CPED1: variants seen among roughly 807,000 people sequenced by gnomAD.
The protein encoded by CPED1 is cadherin like and PC-esterase domain containing 1, also known as cadherin-like and PC-esterase domain-containing protein 1.
CPED1 carries 114 observed loss-of-function variants against 128.2 expected under a neutral mutation model. The observed-to-expected ratio is 0.89, with a 90% CI of 0.76 to 1.04. CPED1 has a LOEUF of 1.04. Ranked by LOEUF, CPED1 falls within the 50% of genes least tolerant of loss-of-function variation. CPED1 has a pLI of 0.00. For synonymous variants in CPED1, 462 were observed against 426.7 expected (o/e 1.08, Z -1.02); for missense variants, 1,211 against 1,207.1 (o/e 1.00, Z -0.05).
At chr7:121,272,866 C>T (rs1487101429) in intron 22 of CPED1, among the ~76,000 whole-genome samples, 1 of 152,032 alleles carries the variant, frequency 6.6e-6, no homozygotes. Context: ...GAAGAGGGCC[C>T]CAAAACATTG....
chr7:121,022,195 T>A (rs1460334221), intron 3 of CPED1, among the ~76,000 whole-genome samples: 3 of 152,034 alleles, frequency 2.0e-5, no homozygotes, highest in African/African-American at 7.2e-5. Context: ...AGTACATCAA[T>A]ATTTGGGCTC....
At chr7:121,129,487 G>A (rs1232583102) in intron 11 of CPED1, among the ~76,000 whole-genome samples, 3 of 150,926 alleles carry the variant, frequency 2.0e-5, no homozygotes, top group Non-Finnish European at 3.0e-5. Context: ...AATTGAGTTG[G>A]CACAATATCA....
At chr7:121,072,331 A>G (rs1794016150) in intron 5 of CPED1, among the ~76,000 whole-genome samples, 1 of 152,142 alleles carries the variant, frequency 6.6e-6, no homozygotes, top group Non-Finnish European at 1.5e-5. Context: ...AAGAAAATTG[A>G]CTAGTGGCCA....
intron 5 of CPED1, among the ~76,000 whole-genome samples, chr7:121,096,259 G>A (rs752900479): frequency 3.9e-5 from 6 of 152,042 alleles, no homozygotes; most frequent in Non-Finnish European, 4.4e-5. Context: ...AATGAGATAC[G>A]GGAATACATT....
At chr7:121,001,718 G>A (rs1791865715) in intron 2 of CPED1, among the ~76,000 whole-genome samples, 1 of 152,042 alleles carries the variant, frequency 6.6e-6, no homozygotes, top group Admixed American at 6.6e-5. Context: ...GAAATTACCT[G>A]GGACTGAAAT....
At chr7:121,243,628 A>C (rs747842088) in intron 17 of CPED1, among the ~76,000 whole-genome samples, 2 of 152,242 alleles carry the variant, frequency 1.3e-5, no homozygotes, top group Non-Finnish European at 1.5e-5. Context: ...TAACAGATGA[A>C]GAAATTCAGG....
At chr7:121,090,408 T>A (rs149973802) in intron 5 of CPED1, among the ~76,000 whole-genome samples, 1 of 152,318 alleles carries the variant, frequency 6.6e-6, no homozygotes, top group Non-Finnish European at 1.5e-5. Flanking sequence ...GTATTTGTGG[T>A]TTGTTGTACA....
intron 4 of CPED1, among the ~76,000 whole-genome samples, chr7:121,060,420 G>A (rs935091055): frequency 2.6e-5 from 4 of 152,374 alleles, no homozygotes; most frequent in African/African-American, 4.8e-5. Context: ...TGGGGACGTG[G>A]AGAATCTTCA....
chr7:121,029,557 G>A (rs901864135), intron 3 of CPED1, among the ~76,000 whole-genome samples: 1 of 152,150 alleles, frequency 6.6e-6, no homozygotes, highest in Non-Finnish European at 1.5e-5. Context: ...CATCCAGATA[G>A]CAAATGTATC....
intron 18 of CPED1, among the ~76,000 whole-genome samples, chr7:121,252,111 CAG>C (rs1200439100): frequency 1.3e-5 from 2 of 151,346 alleles, no homozygotes; most frequent in African/African-American, 4.9e-5. Flanking sequence ...GGTACCAAAA[CAG>C]AGATATAGAC....
In CPED1 at chr7:121,127,085, C is replaced by G; in HGVS notation, c.1135-5C>G. 2.6e-6 allele frequency: 4 copies of G among 1,554,356 alleles called. No homozygotes were observed. The South Asian group carries it at 3.6e-5, about 14-fold the overall frequency. ...AATATTTGCTGTGCTTTTGTTCTTT[C>G]AAAGGTACACGAGCATTTAAATTTT... On this transcript the variant is annotated splice_polypyrimidine_tract_variant and splice_region_variant and intron_variant, in intron 9 of 22. Coordinates refer to ENST00000310396, the MANE Select transcript of CPED1 (RefSeq NM_024913.5).
chr7:121,268,965 G>A (rs1186211661), intron 21 of CPED1, among the ~76,000 whole-genome samples: 1 of 151,864 alleles, frequency 6.6e-6, no homozygotes. Flanking sequence ...TTGGCTGTCT[G>A]TCTCCTCTGC....
intron 2 of CPED1, among the ~76,000 whole-genome samples, chr7:121,009,721 A>G (rs1792113755): frequency 6.6e-6 from 1 of 152,196 alleles, no homozygotes. Context: ...AAAGAATGGA[A>G]TATCTCATTT....
intron 18 of CPED1, among the ~76,000 whole-genome samples, chr7:121,265,207 C>T (rs1792099501): frequency 6.6e-6 from 1 of 151,986 alleles, no homozygotes; most frequent in Non-Finnish European, 1.5e-5. Flanking sequence ...GTCTAACATG[C>T]TTACATAAAG....
chr7:121,125,774 T>C (rs750546520), intron 8 of CPED1, 46 bp from the exon 9 acceptor site: 5 of 1,373,544 alleles, frequency 3.6e-6, no homozygotes, highest in Non-Finnish European at 5.2e-6. Context: ...TAAACATCCA[T>C]GTGCATGTAT....
chr7:121,068,701 T>C (rs1793916845), intron 5 of CPED1, among the ~76,000 whole-genome samples: 1 of 150,432 alleles, frequency 6.6e-6, no homozygotes, highest in South Asian at 2.1e-4. Flanking sequence ...TAAATTACCT[T>C]GGGCAGTATG....
At chr7:121,076,497 C>G (rs1157907808) in intron 5 of CPED1, 1 of 152,084 alleles carries the variant, frequency 6.6e-6, no homozygotes, top group African/African-American at 2.4e-5. Context: ...GTTGGTTGAT[C>G]CTTATGCATG....
chr7:121,008,910 C>G (rs1441852435), intron 2 of CPED1, among the ~76,000 whole-genome samples: 1 of 152,146 alleles, frequency 6.6e-6, no homozygotes, highest in Admixed American at 6.5e-5. Context: ...AGGACAGAGG[C>G]AGAATCGGTT....
At chr7:121,293,647 A>G (rs116643426) in intron 22 of CPED1, among the ~76,000 whole-genome samples, 5,328 of 152,188 alleles carry the variant, frequency 0.035, 206 homozygotes, top group South Asian at 0.13. Flanking sequence ...TCGGCACCCA[A>G]GGGAATCTCC....
Sources: allele counts gnomAD v4.1 joint callset (sites outside exome capture counted in the v4.1 genomes callset), GRCh38; gene constraint gnomAD v4.1.1; transcripts MANE v1.5; gene names NCBI Gene and HGNC (gene_info 2026-07-23, HGNC 2026-07-21).